TRIP11: variants seen among roughly 807,000 people sequenced by gnomAD.
TRIP11 encodes the protein thyroid receptor-interacting protein 11.
TRIP11 carries 148 observed loss-of-function variants against 223.1 expected under a neutral mutation model. That is an observed-to-expected ratio of 0.66 (90% CI 0.58 to 0.76). The LOEUF is 0.76. TRIP11 is among the 30% of genes least tolerant of loss of function. TRIP11 has a pLI of 0.00. For missense variants in TRIP11, 2,043 were observed against 2,222.0 expected (o/e 0.92, Z 1.62); for synonymous variants, 762 against 772.6 (o/e 0.99, Z 0.23).
intron 9 of TRIP11, among the ~76,000 whole-genome samples, chr14:92,009,905 G>C (rs890555854): frequency 6.6e-6 from 1 of 152,180 alleles, no homozygotes; most frequent in African/African-American, 2.4e-5. Flanking sequence ...CTGGGAAAGA[G>C]GCCAAGCCAC....
At chr14:92,025,635 C>T (rs1451243847) in intron 2 of TRIP11, among the ~76,000 whole-genome samples, 1 of 152,092 alleles carries the variant, frequency 6.6e-6, no homozygotes, top group Non-Finnish European at 1.5e-5. Flanking sequence ...GTAATCCCAG[C>T]ACTTTGGGAG....
chr14:91,974,542 A>C lies in TRIP11; in HGVS notation c.5574+85T>G, dbSNP rs76321048. 1.7e-3 allele frequency: 1,840 copies of C among 1,095,822 alleles called. 19 individuals carry two copies. In the South Asian group the frequency reaches 0.019, roughly 11 times the overall value. The allele number at this position is 1,095,822 out of a possible 1,614,324, so 67.9% of individuals were successfully genotyped here. ...TAAAAGGGTTGTATAAAATAATTTT[A>C]AAAAAAAATCTGATTCTTTGCAAAT... On this transcript the variant is annotated intron_variant, in intron 19 of 20. Transcript: ENST00000267622.
Position 91,975,989 on chromosome 14 carries a change from A to AG in TRIP11, c.5342+118dup. 7.2e-6 allele frequency: 6 copies of AG among 834,604 alleles called. No homozygotes were observed. In the South Asian group the frequency reaches 9.4e-5, roughly 13 times the overall value. 51.7% of individuals were successfully genotyped at this position (834,604 alleles called of 1,614,324 possible). A position where few individuals can be genotyped will look rare whatever the true frequency, so the allele number is the denominator to read the frequency against. Reference sequence around the variant, plus strand: ...GCTGCATCCTTCCTCACTAAGAGTGAGGGGAAAAAAGGCTTTTGAAAAATT... The same window carrying AG: ...GCTGCATCCTTCCTCACTAAGAGTGAGGGGGAAAAAAGGCTTTTGAAAAATT... On this transcript the variant is annotated intron_variant, in intron 17 of 20. Coordinates refer to ENST00000267622, the MANE Select transcript of TRIP11 (RefSeq NM_004239.4).
At chr14:91,974,814 T>C in intron 18 of TRIP11, 71 bp from the exon 19 acceptor site, 3 of 1,211,864 alleles carry the variant, frequency 2.5e-6, no homozygotes, top group Non-Finnish European at 3.5e-6. Flanking sequence ...ACCACTTTTA[T>C]ATAATTTCTG....
intron 3 of TRIP11, among the ~76,000 whole-genome samples, chr14:92,022,833 T>C (rs992321810): frequency 1.3e-5 from 2 of 152,174 alleles, no homozygotes; most frequent in Admixed American, 6.6e-5. Context: ...AAGTTTTTCA[T>C]ATTGGAGCCC....
chr14:91,981,891 G>A (rs2056549825), intron 16 of TRIP11, among the ~76,000 whole-genome samples: 1 of 151,366 alleles, frequency 6.6e-6, no homozygotes, highest in Non-Finnish European at 1.5e-5. Flanking sequence ...AAGGCAGAAG[G>A]ATCATTTGAT....
At chr14:92,009,885 G>A (rs1051694272) in intron 9 of TRIP11, among the ~76,000 whole-genome samples, 22 of 152,352 alleles carry the variant, frequency 1.4e-4, no homozygotes, top group Non-Finnish European at 2.6e-4. Flanking sequence ...ATTGGTAACA[G>A]AGACTGCCTC....
rs1254543649 is a variant in TRIP11 at position 91,966,149 on chromosome 14, T to C, written c.*3524A>G. 5.7e-6 allele frequency: 1 copy of C among 175,030 alleles called. No homozygotes were observed. Among genetic ancestry groups the C allele is most frequent in the East Asian group, 9.8e-5 (1 of 10,214 alleles). The allele number at this position is 175,030 out of a possible 1,614,324, so 10.8% of individuals were successfully genotyped here. A position where few individuals can be genotyped will look rare whatever the true frequency, so the allele number is the denominator to read the frequency against. On this transcript the variant is annotated 3_prime_UTR_variant, in exon 21 of 21. Transcript: ENST00000267622. ...AACACAACCTAATATTAAGGTTGCG[T>C]TGGAAATTTCCCACGTTTAGATATT...
chr14:92,020,110 G>A (rs1023128304), intron 4 of TRIP11, among the ~76,000 whole-genome samples: 1 of 151,974 alleles, frequency 6.6e-6, no homozygotes, highest in Non-Finnish European at 1.5e-5. Flanking sequence ...ACATTAGCCC[G>A]GTGTGGTGGC....
At chr14:92,013,677 T>G (rs1223330492) in intron 7 of TRIP11, among the ~76,000 whole-genome samples, 1 of 152,260 alleles carries the variant, frequency 6.6e-6, no homozygotes, top group African/African-American at 2.4e-5. Flanking sequence ...AGTAAGTAAA[T>G]GTATTAGTCT....
In TRIP11 at chr14:91,968,374, CT is replaced by C. The variant is rs2056360418; in HGVS notation, c.*1298del. 4.9e-6 allele frequency: 1 copy of C among 202,998 alleles called. No homozygotes were observed. Among genetic ancestry groups the C allele is most frequent in the Non-Finnish European group, 1.0e-5 (1 of 99,360 alleles). 12.6% of individuals were successfully genotyped at this position (202,998 alleles called of 1,614,324 possible). Reference sequence around the variant, plus strand: ...GGGTTTATGAAAAATTAAAGAAATACTTTCTTAAGTTTCAAACATCTGGGTA... The same window carrying C: ...GGGTTTATGAAAAATTAAAGAAATACTTCTTAAGTTTCAAACATCTGGGTA... On this transcript the variant is annotated 3_prime_UTR_variant, in exon 21 of 21. Coordinates refer to ENST00000267622, the MANE Select transcript of TRIP11 (RefSeq NM_004239.4).
intron 17 of TRIP11, 72 bp downstream of exon 17, chr14:91,976,035 CA>C (rs2056459713): frequency 7.1e-7 from 1 of 1,416,210 alleles, no homozygotes; most frequent in African/African-American, 1.4e-5. Flanking sequence ...TAAACATCTA[CA>C]TTTAGAAGTT....
At chr14:92,006,541 A>C (rs1208206291) in intron 10 of TRIP11, 93 bp from the exon 11 acceptor site, 2 of 1,286,006 alleles carry the variant, frequency 1.6e-6, no homozygotes, top group Non-Finnish European at 2.2e-6. Context: ...ATAGAAAATA[A>C]TCCTCAAATA....
chr14:91,995,630 T>G, intron 13 of TRIP11, 115 bp from the exon 14 acceptor site: 1 of 1,165,166 alleles, frequency 8.6e-7, no homozygotes, highest in Middle Eastern at 3.0e-4. Context: ...TTTTTTTTTT[T>G]TTTGAGACAG....
In TRIP11 at chr14:92,004,555, T is replaced by C; in HGVS notation, c.3421A>G (p.Lys1141Glu). 6.2e-7 allele frequency: 1 copy of C among 1,613,584 alleles called. No individual in the cohort carries two copies. The highest frequency in any genetic ancestry group is 1.1e-5 in the South Asian group (1 of 91,054). ...AALIKLQDEN[K>E]KLSTRFESSG... Reference sequence around the variant, plus strand: ...CTTTCAAATCTAGTGGACAATTTTTTATTTTCATCTTGCAGTTTGATAAGA... The same window carrying C: ...CTTTCAAATCTAGTGGACAATTTTTCATTTTCATCTTGCAGTTTGATAAGA... Residue 1141 changes from lysine to glutamate, a missense_variant, in exon 11 of 21, where the codon AAA (lysine) becomes GAA (glutamate). Coordinates refer to ENST00000267622, the MANE Select transcript of TRIP11 (RefSeq NM_004239.4).
chr14:92,023,725 A>G (rs2057142727), intron 3 of TRIP11, among the ~76,000 whole-genome samples: 1 of 152,238 alleles, frequency 6.6e-6, no homozygotes, highest in South Asian at 2.1e-4. Context: ...TTATAACTCA[A>G]TGCTACTCAA....
At chr14:91,980,608 A>T (rs186742253) in intron 16 of TRIP11, among the ~76,000 whole-genome samples, 103 of 152,326 alleles carry the variant, frequency 6.8e-4, no homozygotes, top group African/African-American at 2.4e-3. Context: ...ATAACTAAAA[A>T]GTTCATATTT....
In TRIP11 at chr14:92,005,597, C is replaced by T; in HGVS notation, c.2379G>A (p.Lys793=). Residue 793 remains lysine, a synonymous_variant, in exon 11 of 21, where the codon AAG becomes AAA. Transcript: ENST00000267622. ...EQMDTDHKET[K]DVLSSSLEEQ... The stretch of plus-strand genomic sequence containing the variant: ...CTTCTAAACTAGATGACAAAACGTC[C>T]TTAGTTTCTTTATGGTCAGTATCCA... 6.2e-7 allele frequency: 1 copy of T among 1,613,468 alleles called. No homozygotes were observed. The highest frequency in any genetic ancestry group is 1.1e-5 in the South Asian group (1 of 90,896).
intron 4 of TRIP11, among the ~76,000 whole-genome samples, chr14:92,019,003 T>C (rs2057076368): frequency 6.6e-6 from 1 of 151,406 alleles, no homozygotes; most frequent in Non-Finnish European, 1.5e-5. Context: ...TCAGTTTCCT[T>C]ATTTATAAAA....
Sources: gnomAD v4.1 joint callset for allele counts (sites outside exome capture counted in the v4.1 genomes callset) on GRCh38, gnomAD v4.1.1 for gene constraint, MANE v1.5 for transcripts, NCBI Gene and HGNC (gene_info 2026-07-23, HGNC 2026-07-21) for gene names.